The following LPP variants were observed in gnomAD, a reference collection of about 807,000 sequenced individuals.
LPP encodes the protein LIM domain containing preferred translocation partner in lipoma.
A neutral mutation model predicts 60.4 loss-of-function variants in LPP; 38 were observed. The observed-to-expected ratio is 0.63, with a 90% confidence interval of 0.49 to 0.83. LPP has a LOEUF of 0.83. LPP is among the 40% of genes least tolerant of loss of function. The pLI, the probability that LPP is intolerant of heterozygous loss-of-function variation, is 0.00. For missense variants in LPP, 902 were observed against 783.6 expected (o/e 1.15, Z -1.80); for synonymous variants, 328 against 290.8 (o/e 1.13, Z -1.30).
chr3:188,414,499 T>C (rs1179113330), intron 4 of LPP, among the ~76,000 whole-genome samples: 1 of 152,056 alleles, frequency 6.6e-6, no homozygotes, highest in Non-Finnish European at 1.5e-5. Context: ...TGTGATAATA[T>C]AAGTATAATA....
At chr3:188,375,225 ATG>A (rs555798687) in intron 3 of LPP, among the ~76,000 whole-genome samples, 2,815 of 152,302 alleles carry the variant, frequency 0.018, 44 homozygotes, top group Non-Finnish European at 0.032. Context: ...GCCTCATAAA[ATG>A]AGTTAGGGAG....
At chr3:188,872,608 G>T in intron 10 of LPP, 35 bp from the exon 11 acceptor site, 1 of 1,613,380 alleles carries the variant, frequency 6.2e-7, no homozygotes, top group Non-Finnish European at 8.5e-7. Context: ...GTGTCGACGC[G>T]CAGTATCTAA....
intron 6 of LPP, among the ~76,000 whole-genome samples, chr3:188,565,296 A>G (rs1831863240): frequency 6.6e-6 from 1 of 152,020 alleles, no homozygotes; most frequent in Non-Finnish European, 1.5e-5. Flanking sequence ...TCTATCACAG[A>G]GAGAAATTTA....
intron 6 of LPP, among the ~76,000 whole-genome samples, chr3:188,602,068 A>AT: frequency 1.9e-4 from 3 of 15,982 alleles, no homozygotes; most frequent in Non-Finnish European, 9.3e-4. Flanking sequence ...ACTCTATCTC[A>AT]AATATATATA....
At chr3:188,453,871 A>C (rs1797152943) in intron 4 of LPP, among the ~76,000 whole-genome samples, 1 of 152,148 alleles carries the variant, frequency 6.6e-6, no homozygotes, top group African/African-American at 2.4e-5. Flanking sequence ...CCACAAATAT[A>C]GCATGTAGAA....
chr3:188,833,558 G>C (rs1409781462), intron 9 of LPP, among the ~76,000 whole-genome samples: 1 of 152,186 alleles, frequency 6.6e-6, no homozygotes, highest in Non-Finnish European at 1.5e-5. Context: ...CCCTCTGTCT[G>C]CAGGCAAAAC....
In LPP at chr3:188,610,233, A is replaced by ATTTGCTTG. The variant is rs1843404829; in HGVS notation, c.1113+389_1113+390insTTTGCTTG. Among the ~76,000 whole-genome samples the ATTTGCTTG allele has an allele frequency of 6.6e-6, 1 of 152,256 alleles. No individual in the cohort carries two copies. Among genetic ancestry groups the ATTTGCTTG allele is most frequent in the Non-Finnish European group, 1.5e-5 (1 of 68,044 alleles). On this transcript the variant is annotated intron_variant, in intron 7 of 11. Transcript: ENST00000617246. This position sits in a 1 kb window ranked among gnomAD's most constrained non-coding sequence, Gnocchi z 4.4. ...TACACCTTGCATTTGCTTGGACATT[A>ATTTGCTTG]AACAGGTCTGTAGTATCTCAAGCCT...
chr3:188,236,812 CTAA>C (rs2149407490), intron 2 of LPP, among the ~76,000 whole-genome samples: 1 of 152,302 alleles, frequency 6.6e-6, no homozygotes, highest in South Asian at 2.1e-4. Flanking sequence ...TGCCATGATG[CTAA>C]TGACTACTGA....
At chr3:188,527,366 AAAAAG>A (rs1179638619) in intron 6 of LPP, among the ~76,000 whole-genome samples, 53 of 151,836 alleles carry the variant, frequency 3.5e-4, no homozygotes, top group Non-Finnish European at 7.2e-4. Context: ...AAAAAAAAAA[AAAAAG>A]AGAGAATATA....
chr3:188,389,753 G>A (rs144444612), intron 3 of LPP, among the ~76,000 whole-genome samples: 2,991 of 110,648 alleles, frequency 0.027, 41 homozygotes, highest in Non-Finnish European at 0.035. Flanking sequence ...TCTAGTCTGG[G>A]CAACAGAGTG....
chr3:188,243,741 G>C (rs1376224233), intron 2 of LPP, among the ~76,000 whole-genome samples: 1 of 152,052 alleles, frequency 6.6e-6, no homozygotes, highest in African/African-American at 2.4e-5. Flanking sequence ...TGCTGTGATT[G>C]GACAGGGTGA....
chr3:188,817,341 G>A (rs1208979894), intron 9 of LPP, among the ~76,000 whole-genome samples: 2 of 152,178 alleles, frequency 1.3e-5, no homozygotes, highest in Non-Finnish European at 2.9e-5. Context: ...GTAGTAGTGG[G>A]CAGTGACCTA....
intron 4 of LPP, among the ~76,000 whole-genome samples, chr3:188,432,975 T>C (rs1791313428): frequency 6.6e-6 from 1 of 152,116 alleles, no homozygotes; most frequent in Non-Finnish European, 1.5e-5. Context: ...AGGATAGGAA[T>C]GAACAAGGGA....
intron 4 of LPP, among the ~76,000 whole-genome samples, chr3:188,427,466 C>A (rs1311907306): frequency 6.6e-6 from 1 of 152,134 alleles, no homozygotes; most frequent in Admixed American, 6.5e-5. Context: ...TTCATTTCAA[C>A]CTTGGTGAAT....
chr3:188,582,005 A>G (rs6444303), intron 6 of LPP, among the ~76,000 whole-genome samples: 102,028 of 151,794 alleles, frequency 0.67, 34,917 homozygotes, highest in East Asian at 0.86. Context: ...TCTGTGGCAC[A>G]GTCAGGCCAT....
At chr3:188,355,905 G>A (rs1470739613) in intron 3 of LPP, among the ~76,000 whole-genome samples, 11 of 152,052 alleles carry the variant, frequency 7.2e-5, no homozygotes, top group Non-Finnish European at 1.2e-4. Flanking sequence ...TTTGAGTTGC[G>A]TGTCTCCCAC....
intron 7 of LPP, among the ~76,000 whole-genome samples, chr3:188,702,862 G>A (rs571490463): frequency 3.9e-5 from 6 of 152,012 alleles, no homozygotes; most frequent in South Asian, 2.1e-4. Flanking sequence ...CCAAACAGCC[G>A]CACAGTAAGA....
intron 4 of LPP, among the ~76,000 whole-genome samples, chr3:188,428,484 C>G (rs1457919463): frequency 6.6e-6 from 1 of 152,026 alleles, no homozygotes; most frequent in Non-Finnish European, 1.5e-5. Flanking sequence ...TCTCTATCCT[C>G]TTAACACTGG....
At chr3:188,777,194 G>T (rs950083137) in intron 9 of LPP, among the ~76,000 whole-genome samples, 3 of 151,908 alleles carry the variant, frequency 2.0e-5, no homozygotes, top group African/African-American at 7.3e-5. Flanking sequence ...GTTATTTCTA[G>T]ATTAGATATG....
Sources: gnomAD v4.1 joint callset for allele counts (sites outside exome capture counted in the v4.1 genomes callset) on GRCh38, gnomAD v4.1.1 for gene constraint, Gnocchi (gnomAD v3.1) non-coding constraint, MANE v1.5 for transcripts, NCBI Gene and HGNC (gene_info 2026-07-23, HGNC 2026-07-21) for gene names.